The following ZNF385D variants were observed in gnomAD, a reference collection of about 807,000 sequenced individuals.
ZNF385D encodes zinc finger protein 659.
ZNF385D carries 15 observed loss-of-function variants against 35.8 expected under a neutral mutation model. The observed-to-expected ratio is 0.42, with a 90% CI of 0.28 to 0.64. ZNF385D has a LOEUF of 0.64. ZNF385D is among the 30% of genes least tolerant of loss of function. ZNF385D has a pLI of 0.23. For synonymous variants in ZNF385D, 212 were observed against 186.8 expected, an observed-to-expected ratio of 1.13 and a Z score of -1.10; for missense variants, 474 against 494.6, an observed-to-expected ratio of 0.96 and a Z score of 0.39.
At chr3:22,263,192 G>GT (rs534132986) in intron 2 of ZNF385D, among the ~76,000 whole-genome samples, 103 of 151,970 alleles carry the variant, frequency 6.8e-4, no homozygotes, top group African/African-American at 2.4e-3. Flanking sequence ...TTCTGCTACT[G>GT]CCCAGCTCAA....
intron 3 of ZNF385D, among the ~76,000 whole-genome samples, chr3:21,800,457 T>C (rs1231645483): frequency 6.6e-6 from 1 of 152,172 alleles, no homozygotes; most frequent in East Asian, 1.9e-4. Context: ...AGAATAAAAG[T>C]TGAACATCTA....
At chr3:22,003,490 G>C (rs985147624) in intron 3 of ZNF385D, among the ~76,000 whole-genome samples, 32 of 152,118 alleles carry the variant, frequency 2.1e-4, no homozygotes, top group African/African-American at 7.7e-4. Context: ...TTTTAAGAAA[G>C]ACCATAGTAC....
intron 3 of ZNF385D, among the ~76,000 whole-genome samples, chr3:22,061,006 C>T (rs1472433872): frequency 6.6e-6 from 1 of 151,876 alleles, no homozygotes; most frequent in African/African-American, 2.4e-5. Flanking sequence ...TGTATAATAA[C>T]TTGATAATCA....
At chr3:22,180,860 G>A (rs1227065837) in intron 2 of ZNF385D, among the ~76,000 whole-genome samples, 1 of 148,700 alleles carries the variant, frequency 6.7e-6, no homozygotes, top group African/African-American at 2.5e-5. Context: ...AGGCTAAGAG[G>A]AGAATTGTGA....
chr3:21,691,357 C>T (rs2067279276), intron 1 of ZNF385D, among the ~76,000 whole-genome samples: 1 of 152,124 alleles, frequency 6.6e-6, no homozygotes. Flanking sequence ...CTTCCTTTCC[C>T]ACCCACAGCA....
intron 3 of ZNF385D, among the ~76,000 whole-genome samples, chr3:22,088,357 T>C (rs1310693479): frequency 2.0e-5 from 3 of 152,152 alleles, no homozygotes. Flanking sequence ...AACATTCCAG[T>C]GTATGTGCAG....
intron 3 of ZNF385D, among the ~76,000 whole-genome samples, chr3:22,044,452 A>C (rs1306762265): frequency 1.3e-5 from 2 of 152,134 alleles, no homozygotes; most frequent in East Asian, 3.9e-4. Context: ...AACAAAAACA[A>C]AAACAAACAT....
chr3:21,640,406 T>C (rs2065568862), intron 2 of ZNF385D, among the ~76,000 whole-genome samples: 1 of 152,078 alleles, frequency 6.6e-6, no homozygotes, highest in East Asian at 1.9e-4. Flanking sequence ...AGATGCTTAC[T>C]GTTATGGACT....
At chr3:21,859,665 C>A (rs1415092432) in intron 3 of ZNF385D, among the ~76,000 whole-genome samples, 1 of 104,272 alleles carries the variant, frequency 9.6e-6, no homozygotes, top group African/African-American at 3.5e-5. Flanking sequence ...GGCTGTGACT[C>A]CAAAGGCATT....
At chr3:22,197,823 T>C in intron 2 of ZNF385D, among the ~76,000 whole-genome samples, 1 of 152,230 alleles carries the variant, frequency 6.6e-6, no homozygotes, top group African/African-American at 2.4e-5. Context: ...TCTACCTTAC[T>C]TCCTTTTGGT....
chr3:21,739,853 G>C (rs967387338), intron 1 of ZNF385D, among the ~76,000 whole-genome samples: 1 of 152,198 alleles, frequency 6.6e-6, no homozygotes, highest in Non-Finnish European at 1.5e-5. Flanking sequence ...AGTGAACCTG[G>C]TGACAGTGTT....
intron 3 of ZNF385D, among the ~76,000 whole-genome samples, chr3:21,815,758 G>A (rs937070895): frequency 7.9e-5 from 12 of 152,052 alleles, no homozygotes; most frequent in African/African-American, 2.4e-4. Flanking sequence ...GGTACAAAGC[G>A]GAGCTGGTAC....
intron 2 of ZNF385D, among the ~76,000 whole-genome samples, chr3:22,281,411 T>G (rs1166924181): frequency 6.6e-6 from 1 of 152,128 alleles, no homozygotes; most frequent in Non-Finnish European, 1.5e-5. Context: ...ATATGTCCCT[T>G]CTATGCCAAT....
At chr3:21,753,787 T>TG (rs2070216043), upstream of ZNF385D, among the ~76,000 whole-genome samples, 3 of 108,090 alleles carry the variant, frequency 2.8e-5, no homozygotes, top group Admixed American at 1.0e-4. Flanking sequence ...TTGTTGTTGT[T>TG]GTTGTGTGTG....
intron 3 of ZNF385D, among the ~76,000 whole-genome samples, chr3:21,526,615 T>C (rs777544521): frequency 6.6e-6 from 1 of 152,190 alleles, no homozygotes; most frequent in Non-Finnish European, 1.5e-5. Flanking sequence ...AGGGAATGCC[T>C]ATCACTATTG....
intron 3 of ZNF385D, among the ~76,000 whole-genome samples, chr3:22,157,079 C>T (rs1228454958): frequency 6.6e-6 from 1 of 152,116 alleles, no homozygotes; most frequent in East Asian, 1.9e-4. Flanking sequence ...CCAAGGTAGC[C>T]TCCAGGCCTG....
At chr3:22,355,637 G>A (rs889266675) in intron 2 of ZNF385D, among the ~76,000 whole-genome samples, 2 of 151,704 alleles carry the variant, frequency 1.3e-5, no homozygotes, top group East Asian at 3.9e-4. Flanking sequence ...TTAGCAAGAT[G>A]ATGAAAGAAA....
intron 3 of ZNF385D, among the ~76,000 whole-genome samples, chr3:22,154,643 T>C (rs1485304840): frequency 6.6e-6 from 1 of 152,202 alleles, no homozygotes; most frequent in Non-Finnish European, 1.5e-5. Context: ...CTCTTTAATG[T>C]ACATACCTTG....
Position 21,697,626 on chromosome 3 carries a change from A to G in ZNF385D, c.23-32598T>C, listed in dbSNP as rs191686644. Among the ~76,000 whole-genome samples, 15 of 152,310 alleles carry G rather than the reference A, an allele frequency of 9.8e-5. No individual in the cohort carries two copies. In the East Asian group the frequency reaches 2.7e-3, roughly 27 times the overall value. On this transcript the variant is annotated intron_variant, in intron 1 of 7. Coordinates refer to ENST00000281523, the MANE Select transcript of ZNF385D (RefSeq NM_024697.3). ...CAAATGGGACTTAATTAAACTAAAA[A>G]GCTTTTGCACAGCAAAAGAAATAAT...
Sources: allele counts gnomAD v4.1 joint callset (sites outside exome capture counted in the v4.1 genomes callset), GRCh38; gene constraint gnomAD v4.1.1; transcripts MANE v1.5; gene names NCBI Gene and HGNC (gene_info 2026-07-23, HGNC 2026-07-21).